PCDHGA3: variants seen among roughly 807,000 people sequenced by gnomAD.
PCDHGA3 encodes the protein protocadherin gamma subfamily A, 3, also known as protocadherin gamma-A3.
In PCDHGA3, 40 loss-of-function variants were observed where a neutral mutation model predicts 58.5. The observed-to-expected ratio is 0.68, with a 90% CI of 0.53 to 0.89. PCDHGA3 has a LOEUF of 0.89. PCDHGA3 is among the 40% of genes least tolerant of loss of function. The pLI, the probability that PCDHGA3 is intolerant of heterozygous loss-of-function variation, is 0.00. For synonymous variants in PCDHGA3, 530 were observed against 525.7 expected (o/e 1.01, Z -0.11); for missense variants, 1,223 against 1,195.9 (o/e 1.02, Z -0.33).
intron 1 of PCDHGA3, chr5:141,413,070 T>C: frequency 8.4e-7 from 1 of 1,195,132 alleles, no homozygotes; most frequent in African/African-American, 1.5e-5. Context: ...GAATTTAAAG[T>C]GCCCAGGCTA....
chr5:141,428,031 G>A (rs760882803), intron 1 of PCDHGA3: 6 of 1,607,376 alleles, frequency 3.7e-6, no homozygotes, highest in South Asian at 3.3e-5. Context: ...CGCAGAGTCC[G>A]GCTACCTGGT....
intron 2 of PCDHGA3, among the ~76,000 whole-genome samples, chr5:141,500,281 T>A (rs1254933339): frequency 2.0e-5 from 3 of 151,934 alleles, no homozygotes; most frequent in Non-Finnish European, 4.4e-5. Context: ...CAATCTCGGC[T>A]CACTGCAAGC....
At chr5:141,456,175 A>G (rs2154565434) in intron 1 of PCDHGA3, among the ~76,000 whole-genome samples, 1 of 151,840 alleles carries the variant, frequency 6.6e-6, no homozygotes, top group East Asian at 1.9e-4. Context: ...GGGATTACAG[A>G]ATAATTTCTT....
At position 141,393,913 on chromosome 5, in the gene PCDHGA3, C is replaced by T. The variant is rs1170452204; in HGVS notation, c.2424+47456C>T. ...AATTCTCTTCCCGGGACAGTAATTG[C>T]CTTCTTGAGTGTGCATGACCAAGAC... On this transcript the variant is annotated intron_variant, in intron 1 of 3. Coordinates refer to ENST00000253812, the MANE Select transcript of PCDHGA3 (RefSeq NM_018916.4). 3.1e-6 allele frequency: 5 copies of T among 1,613,780 alleles called. No homozygotes were observed. The South Asian group carries it at 3.3e-5, about 11-fold the overall frequency.
intron 1 of PCDHGA3, chr5:141,394,142 A>G (rs751602442): frequency 6.2e-7 from 1 of 1,613,996 alleles, no homozygotes; most frequent in Non-Finnish European, 8.5e-7. Flanking sequence ...TGCACGTGGC[A>G]GACATTAACG....
intron 1 of PCDHGA3, chr5:141,405,493 C>T: frequency 1.2e-6 from 1 of 841,642 alleles, no homozygotes; most frequent in Middle Eastern, 3.1e-4. Flanking sequence ...GATCTCGGCT[C>T]ATTGCAACCT....
rs1757758102 is a variant in PCDHGA3 at position 141,346,477 on chromosome 5, T to G, written c.2424+20T>G. 2.5e-6 allele frequency: 4 copies of G among 1,613,540 alleles called. No individual in the cohort carries two copies. The highest frequency in any genetic ancestry group is 1.3e-5 in the African/African-American group (1 of 74,896). ...CTTCAGGTGAGTTTATTTATTTCTT[T>G]GATTATTAAGAACAAATATGAGAAT... On this transcript the variant is annotated intron_variant, in intron 1 of 3. Coordinates refer to ENST00000253812, the MANE Select transcript of PCDHGA3 (RefSeq NM_018916.4).
At chr5:141,506,993 C>T (rs781663602) in intron 3 of PCDHGA3, 18 of 152,184 alleles carry the variant, frequency 1.2e-4, no homozygotes, top group Non-Finnish European at 1.8e-4. Context: ...TTCTCACACT[C>T]GACAGATGAG....
chr5:141,380,318 T>G (rs751911275), intron 1 of PCDHGA3, among the ~76,000 whole-genome samples: 1 of 151,992 alleles, frequency 6.6e-6, no homozygotes, highest in Non-Finnish European at 1.5e-5. Context: ...AGAATGAAAA[T>G]CTAAATGGAA....
chr5:141,381,582 C>T (rs1777289375), intron 1 of PCDHGA3, among the ~76,000 whole-genome samples: 1 of 152,154 alleles, frequency 6.6e-6, no homozygotes, highest in African/African-American at 2.4e-5. Flanking sequence ...TCAGCCAATC[C>T]ATTATCCAGT....
rs186599132 is a variant in PCDHGA3, at chr5:141,355,599, T to G, written c.2424+9142T>G. The G allele has an allele frequency of 4.5e-5, 73 of 1,613,996 alleles. 1 individual carries two copies. In the African/African-American group the frequency reaches 6.7e-4, roughly 15 times the overall value. ...ATGTTAATGATAACCCACCCAGTTT[T>G]GGGACAGAACAGAGGGAAATAAAAG... On this transcript the variant is annotated intron_variant, in intron 1 of 3. Coordinates refer to ENST00000253812, the MANE Select transcript of PCDHGA3 (RefSeq NM_018916.4).
At chr5:141,467,060 T>C (rs1304506319) in intron 1 of PCDHGA3, among the ~76,000 whole-genome samples, 1 of 151,520 alleles carries the variant, frequency 6.6e-6, no homozygotes, top group Non-Finnish European at 1.5e-5. Context: ...GTTTTCTTTT[T>C]TTTTTTTTTT....
intron 1 of PCDHGA3, chr5:141,375,132 C>T (rs1771158869): frequency 6.2e-7 from 1 of 1,613,952 alleles, no homozygotes; most frequent in Non-Finnish European, 8.5e-7. Flanking sequence ...GTGGTTGTTA[C>T]ATCTGGAAGC....
intron 1 of PCDHGA3, among the ~76,000 whole-genome samples, chr5:141,480,730 G>T (rs1261461187): frequency 6.6e-6 from 1 of 152,168 alleles, no homozygotes; most frequent in Non-Finnish European, 1.5e-5. Flanking sequence ...GTCTCTGGGG[G>T]TGGGACATAG....
chr5:141,419,209 G>A (rs541061354), intron 1 of PCDHGA3: 11 of 1,613,900 alleles, frequency 6.8e-6, no homozygotes, highest in South Asian at 5.5e-5. Context: ...ACAACGCGCC[G>A]GTTTTCGGAC....
chr5:141,357,388 A>T, intron 1 of PCDHGA3: 4 of 1,614,224 alleles, frequency 2.5e-6, no homozygotes, highest in Non-Finnish European at 3.4e-6. Context: ...CGCTGAAGGC[A>T]GCAGGTTGGC....
intron 1 of PCDHGA3, chr5:141,419,170 C>G: frequency 6.2e-7 from 1 of 1,613,966 alleles, no homozygotes; most frequent in South Asian, 1.1e-5. Flanking sequence ...CCAGCAAAAC[C>G]ATAACCCTGC....
rs1757415462 is a variant in PCDHGA3 at position 141,344,416 on chromosome 5, A to T, written c.383A>T (p.Asp128Val). ...EVEIEIKDIN[D>V]NAPNFPTEEL... is the part of the protein sequence containing the mutation. ...GAAATAGAAATTAAAGATATTAATGATAATGCTCCTAATTTCCCAACAGAG... is the reference window on the plus strand; with the variant it reads ...GAAATAGAAATTAAAGATATTAATGTTAATGCTCCTAATTTCCCAACAGAG... Residue 128 changes from aspartate to valine, a missense_variant, in exon 1 of 4, where the codon GAT becomes GTT. Around this residue, in one of 3 missense-constraint regions of PCDHGA3, gnomAD observed 791 missense variants for 708.5 expected, o/e 1.12. Coordinates refer to ENST00000253812, the MANE Select transcript of PCDHGA3 (RefSeq NM_018916.4). The T allele has an allele frequency of 6.2e-7, 1 of 1,612,606 alleles. No homozygotes were observed. The highest frequency in any genetic ancestry group is 8.5e-7 in the Non-Finnish European group (1 of 1,179,098).
In PCDHGA3 at chr5:141,487,000, G is replaced by T. The variant is rs1410493699; in HGVS notation, c.2425-7807G>T. 2 of 1,614,076 alleles carry T rather than the reference G, an allele frequency of 1.2e-6. No homozygotes were observed. Among genetic ancestry groups the T allele is most frequent in the Non-Finnish European group, 1.7e-6 (2 of 1,180,044 alleles). On this transcript the variant is annotated intron_variant, in intron 1 of 3. Coordinates refer to ENST00000253812, the MANE Select transcript of PCDHGA3 (RefSeq NM_018916.4). The surrounding 1 kb of genome is among the most constrained non-coding windows in gnomAD (Gnocchi z 5.0). Reference sequence around the variant, plus strand: ...GTTACAATGCTTGGGTTTCCTATCAGCTCCTGGAGGCCCCAGATCCCAGCC... The same window carrying T: ...GTTACAATGCTTGGGTTTCCTATCATCTCCTGGAGGCCCCAGATCCCAGCC...
Sources: gnomAD v4.1 joint callset for allele counts (sites outside exome capture counted in the v4.1 genomes callset) on GRCh38, gnomAD v4.1.1 for gene constraint, gnomAD v4.1.1 regional missense constraint, Gnocchi (gnomAD v3.1) non-coding constraint, MANE v1.5 for transcripts, NCBI Gene and HGNC (gene_info 2026-07-23, HGNC 2026-07-21) for gene names.